The following DYRK4 variants were observed in gnomAD, a reference collection of about 807,000 sequenced individuals.
DYRK4 encodes dual specificity tyrosine-phosphorylation-regulated kinase 4.
A neutral mutation model predicts 68.3 loss-of-function variants in DYRK4; 64 were observed. The observed-to-expected ratio is 0.94, with a 90% CI of 0.77 to 1.15. DYRK4 has a LOEUF of 1.15. DYRK4 is among the 50% of genes most tolerant of loss of function. The pLI, the probability that DYRK4 is intolerant of heterozygous loss-of-function variation, is 0.00. For missense variants in DYRK4, 740 were observed against 764.7 expected (o/e 0.97, Z 0.38); for synonymous variants, 274 against 289.9 (o/e 0.95, Z 0.56).
At chr12:4,607,532 G>A (rs1945167628) in intron 12 of DYRK4, 145 bp downstream of exon 12, 2 of 880,264 alleles carry the variant, frequency 2.3e-6, no homozygotes, top group Admixed American at 4.3e-5. Context: ...ATAATGAGCA[G>A]GGGAATCGGA....
intron 1 of DYRK4, among the ~76,000 whole-genome samples, chr12:4,564,962 G>A (rs767143117): frequency 5.3e-5 from 8 of 152,166 alleles, no homozygotes; most frequent in Non-Finnish European, 1.2e-4. Flanking sequence ...GCAAACACAC[G>A]ATTGAACGCT....
Position 4,613,368 on chromosome 12 carries a change from CCGGCACA to C in DYRK4, c.1667-146_1667-140del. 9.9e-7 allele frequency: 1 copy of C among 1,009,378 alleles called. No homozygotes were observed. The highest frequency in any genetic ancestry group is 1.4e-6 in the Non-Finnish European group (1 of 704,270). The allele number at this position is 1,009,378 out of a possible 1,614,324, so 62.5% of individuals were successfully genotyped here. ...AAATGTACAGTGCTTAGAATAATGC[CCGGCACA>C]TTGGAGGTGCTTTACAAATGAACTG... On this transcript the variant is annotated intron_variant, in intron 14 of 14. Coordinates refer to ENST00000543431, the MANE Select transcript of DYRK4 (RefSeq NM_001394779.1). This position sits in a 1 kb window ranked among gnomAD's most constrained non-coding sequence, Gnocchi z 4.0.
intron 2 of DYRK4, among the ~76,000 whole-genome samples, chr12:4,571,633 T>C (rs1944731334): frequency 6.6e-6 from 1 of 152,246 alleles, no homozygotes; most frequent in African/African-American, 2.4e-5. Flanking sequence ...TTGTAGTTTA[T>C]ATTTTATCGT....
chr12:4,563,000 G>A (rs1452290277), intron 1 of DYRK4: 1 of 453,438 alleles, frequency 2.2e-6, no homozygotes, highest in Non-Finnish European at 4.4e-6. Flanking sequence ...TGACCCCTCT[G>A]ACATGTCTTA....
chr12:4,607,610 A>G (rs1010321610), intron 12 of DYRK4, among the ~76,000 whole-genome samples: 2 of 152,186 alleles, frequency 1.3e-5, no homozygotes, highest in African/African-American at 4.8e-5. Flanking sequence ...AATGCTCAGG[A>G]GGAGGAGAAT....
intron 12 of DYRK4, 135 bp from the exon 13 acceptor site, chr12:4,610,020 T>G (rs1197532521): frequency 1.7e-5 from 9 of 522,888 alleles, no homozygotes; most frequent in Admixed American, 1.2e-4. Flanking sequence ...GTGTGTGTGT[T>G]TATTGGGGTG....
chr12:4,609,724 G>A (rs1401227902), intron 12 of DYRK4, among the ~76,000 whole-genome samples: 1 of 152,228 alleles, frequency 6.6e-6, no homozygotes, highest in African/African-American at 2.4e-5. Context: ...AAAGGACAAT[G>A]TAGGATGAAG....
chr12:4,604,394 T>G (rs756376756), intron 10 of DYRK4, among the ~76,000 whole-genome samples: 1 of 152,206 alleles, frequency 6.6e-6, no homozygotes, highest in African/African-American at 2.4e-5. Flanking sequence ...CGGAAATAAC[T>G]ACCGTGTTCC....
intron 10 of DYRK4, chr12:4,603,457 C>G: frequency 3.1e-6 from 1 of 324,610 alleles, no homozygotes; most frequent in Non-Finnish European, 5.8e-6. Flanking sequence ...CTACTCCACA[C>G]CGTCCTTCCC....
In DYRK4 at chr12:4,594,709, C is replaced by CTT. The variant is rs57307639; in HGVS notation, c.628-1429_628-1428dup. On this transcript the variant is annotated intron_variant, in intron 6 of 14. Coordinates refer to ENST00000543431, the MANE Select transcript of DYRK4 (RefSeq NM_001394779.1). ...CTTCAGTCTCAAATCTTAGAAAAGC[C>CTT]TTTTTTTTTTTTGGTGAGGGCGTTG... Among the ~76,000 whole-genome samples the CTT allele has an allele frequency of 9.3e-3, 1,363 of 146,332 alleles. 10 individuals are homozygous for CTT. The highest frequency in any genetic ancestry group is 0.032 in the East Asian group (159 of 5,008).
chr12:4,585,700 C>T (rs1944890126), intron 2 of DYRK4, among the ~76,000 whole-genome samples: 1 of 152,160 alleles, frequency 6.6e-6, no homozygotes. Flanking sequence ...ATGGGTGCAG[C>T]ACACCAACAT....
intron 2 of DYRK4, among the ~76,000 whole-genome samples, chr12:4,586,298 C>A (rs1351571647): frequency 6.6e-6 from 1 of 152,122 alleles, no homozygotes; most frequent in Non-Finnish European, 1.5e-5. Flanking sequence ...CAGGAAGCAC[C>A]CCCCTGCTCT....
chr12:4,572,577 G>A (rs928802335), intron 2 of DYRK4, among the ~76,000 whole-genome samples: 2 of 152,192 alleles, frequency 1.3e-5, no homozygotes, highest in Non-Finnish European at 2.9e-5. Context: ...TTACAGGCGT[G>A]AGCCACCGTG....
intron 1 of DYRK4, chr12:4,562,976 G>A: frequency 2.3e-6 from 1 of 437,546 alleles, no homozygotes; most frequent in South Asian, 1.6e-5. Flanking sequence ...GCCCCTCAAA[G>A]CTTAGGAAAA....
At chr12:4,590,511 A>G in intron 4 of DYRK4, 71 bp downstream of exon 4, 1 of 1,519,470 alleles carries the variant, frequency 6.6e-7, no homozygotes, top group South Asian at 1.2e-5. Flanking sequence ...CCAGTTTTAG[A>G]AAGGCCCAGG....
Position 4,605,017 on chromosome 12 carries a change from G to A in DYRK4, c.1230G>A (p.Ala410=). The A allele has an allele frequency of 6.2e-7, 1 of 1,614,046 alleles. No homozygotes were observed. Among genetic ancestry groups the A allele is most frequent in the Non-Finnish European group, 8.5e-7 (1 of 1,179,940 alleles). ...IDMWSLGCIT[A]ELYTGYPLFP... Reference sequence around the variant, plus strand: ...TGTGGAGCCTGGGCTGCATCACGGCGGAGTTGTACACGGGCTACCCCCTGT... The same window carrying A: ...TGTGGAGCCTGGGCTGCATCACGGCAGAGTTGTACACGGGCTACCCCCTGT... Residue 410 remains alanine, a synonymous_variant, in exon 11 of 15, where the codon GCG becomes GCA. Coordinates refer to ENST00000543431, the MANE Select transcript of DYRK4 (RefSeq NM_001394779.1).
At chr12:4,587,719 C>T (rs551651322) in intron 2 of DYRK4, among the ~76,000 whole-genome samples, 1 of 152,322 alleles carries the variant, frequency 6.6e-6, no homozygotes, top group East Asian at 1.9e-4. Flanking sequence ...CTCCCTATTG[C>T]AGGAGGTCAA....
intron 1 of DYRK4, chr12:4,564,629 A>G (rs957885491): frequency 3.3e-5 from 5 of 152,230 alleles, no homozygotes; most frequent in African/African-American, 4.8e-5. Context: ...CTTAACCTTG[A>G]GTCTTCGAAC....
chr12:4,586,229 A>T (rs1372502628), intron 2 of DYRK4, among the ~76,000 whole-genome samples: 1 of 152,068 alleles, frequency 6.6e-6, no homozygotes, highest in Non-Finnish European at 1.5e-5. Flanking sequence ...GCTTTCACTG[A>T]TGCCCTTTCT....
Sources: allele counts gnomAD v4.1 joint callset (sites outside exome capture counted in the v4.1 genomes callset), GRCh38; gene constraint gnomAD v4.1.1; non-coding constraint Gnocchi (gnomAD v3.1); transcripts MANE v1.5; gene names NCBI Gene and HGNC (gene_info 2026-07-23, HGNC 2026-07-21).